Variants in NSMAF observed in about 807,000 individuals in gnomAD.
NSMAF encodes protein FAN.
Under a neutral mutation model 134.9 loss-of-function variants are expected in NSMAF, and 90 were observed. That is an observed-to-expected ratio of 0.67 (90% CI 0.56 to 0.79). The LOEUF is 0.79. Among genes scored for constraint, NSMAF ranks in the 30% least tolerant of loss-of-function variants. The probability of loss-of-function intolerance (pLI) is 0.00; values close to 1 mark genes in which losing one functional copy is unlikely to be tolerated. For synonymous variants in NSMAF, 358 were observed against 389.6 expected, an observed-to-expected ratio of 0.92 and a Z score of 0.96; for missense variants, 1,010 against 1,119.0, an observed-to-expected ratio of 0.90 and a Z score of 1.39.
rs549546994 is a variant in NSMAF at position 58,655,237 on chromosome 8, G to T, written c.59+4336C>A. Among the ~76,000 whole-genome samples the T allele has an allele frequency of 7.2e-5, 11 of 152,212 alleles. No homozygotes were observed. In the East Asian group the frequency reaches 1.9e-3, roughly 27 times the overall value. Reference sequence around the variant, plus strand: ...TCTTTGTGCCTTGGCCTCCCAAAGGGCTGGGATTACAAGTGTAAGCCATGG... The same window carrying T: ...TCTTTGTGCCTTGGCCTCCCAAAGGTCTGGGATTACAAGTGTAAGCCATGG... On this transcript the variant is annotated intron_variant, in intron 1 of 30. Transcript: ENST00000038176.
At chr8:58,624,035 A>ATTTTTTTTTTTTTTTTTTTTTTTTTTTTT in intron 6 of NSMAF, among the ~76,000 whole-genome samples, 1 of 99,098 alleles carries the variant, frequency 1.0e-5, no homozygotes, top group Non-Finnish European at 1.9e-5. Flanking sequence ...TAGAGTTAGG[A>ATTTTTTTTTTTTTTTTTTTTTTTTTTTTT]TTTTTTTTTT....
chr8:58,654,107 T>C (rs1277308609), intron 1 of NSMAF, among the ~76,000 whole-genome samples: 2 of 152,216 alleles, frequency 1.3e-5, no homozygotes, highest in East Asian at 3.8e-4. Context: ...TCCTGACGAA[T>C]TAAGTCCTGA....
intron 30 of NSMAF, 102 bp downstream of exon 30, chr8:58,585,550 G>A (rs1314543414): frequency 2.5e-6 from 2 of 785,808 alleles, no homozygotes; most frequent in Non-Finnish European, 4.3e-6. Flanking sequence ...GAAAAACCAT[G>A]GGTGTTTTTT....
chr8:58,606,988 C>G (rs1806424224), intron 11 of NSMAF, among the ~76,000 whole-genome samples: 1 of 152,114 alleles, frequency 6.6e-6, no homozygotes, highest in South Asian at 2.1e-4. Flanking sequence ...TATCTGTTTC[C>G]CTGATCTGCT....
intron 17 of NSMAF, 44 bp downstream of exon 17, chr8:58,599,926 G>A (rs1806237834): frequency 6.2e-7 from 1 of 1,613,036 alleles, no homozygotes; most frequent in Non-Finnish European, 8.5e-7. Context: ...AAAGCAGTTA[G>A]AAACCCCAAG....
At chr8:58,605,786 A>T in intron 12 of NSMAF, 141 bp downstream of exon 12, 1 of 910,044 alleles carries the variant, frequency 1.1e-6, no homozygotes, top group Non-Finnish European at 1.5e-6. Flanking sequence ...AGGCTGAGGC[A>T]CAAGAATCAC....
intron 1 of NSMAF, among the ~76,000 whole-genome samples, chr8:58,644,558 G>A (rs917600320): frequency 6.6e-6 from 1 of 152,178 alleles, no homozygotes; most frequent in Non-Finnish European, 1.5e-5. Flanking sequence ...ACAGTGTGGC[G>A]ATTCCTCAAG....
intron 1 of NSMAF, among the ~76,000 whole-genome samples, chr8:58,654,330 C>T (rs1807653033): frequency 6.6e-6 from 1 of 152,196 alleles, no homozygotes; most frequent in Admixed American, 6.5e-5. Context: ...CGTGGTGGCT[C>T]ACCTGAGATC....
At chr8:58,632,097 A>G (rs1410149383) in intron 5 of NSMAF, among the ~76,000 whole-genome samples, 2 of 152,196 alleles carry the variant, frequency 1.3e-5, no homozygotes, top group South Asian at 2.1e-4. Flanking sequence ...GCAACAATGG[A>G]AGTTACCTGA....
intron 14 of NSMAF, among the ~76,000 whole-genome samples, 160 bp downstream of exon 14, chr8:58,601,898 G>A (rs955301055): frequency 1.3e-5 from 2 of 152,178 alleles, no homozygotes; most frequent in Admixed American, 6.5e-5. Flanking sequence ...TGCAAATGGT[G>A]AGCAGCTAAT....
chr8:58,586,699 G>A, intron 27 of NSMAF, 91 bp from the exon 28 acceptor site: 1 of 1,052,210 alleles, frequency 9.5e-7, no homozygotes, highest in South Asian at 1.5e-5. Context: ...TAGTCATCAT[G>A]ATATAAATTA....
chr8:58,624,035 ATTTTT>A (rs11431046), intron 6 of NSMAF, among the ~76,000 whole-genome samples: 6 of 99,088 alleles, frequency 6.1e-5, no homozygotes, highest in East Asian at 3.0e-4. Flanking sequence ...TAGAGTTAGG[ATTTTT>A]TTTTTTTTTT....
chr8:58,630,497 T>A (rs1289922906), intron 6 of NSMAF, among the ~76,000 whole-genome samples: 1 of 152,084 alleles, frequency 6.6e-6, no homozygotes, highest in Non-Finnish European at 1.5e-5. Flanking sequence ...GCACCCCAGG[T>A]GAGTGGTTCT....
At chr8:58,634,400 T>G (rs1043803166) in intron 5 of NSMAF, among the ~76,000 whole-genome samples, 1 of 152,196 alleles carries the variant, frequency 6.6e-6, no homozygotes, top group African/African-American at 2.4e-5. Flanking sequence ...CTAGGGACAC[T>G]CTGGTCTGTT....
In NSMAF at chr8:58,659,651, G is replaced by T; in HGVS notation, c.-20C>A. 7.1e-7 allele frequency: 1 copy of T among 1,415,174 alleles called. No homozygotes were observed. Among genetic ancestry groups the T allele is most frequent in the Non-Finnish European group, 9.2e-7 (1 of 1,085,392 alleles). The allele number at this position is 1,415,174 out of a possible 1,614,324, so 87.7% of individuals were successfully genotyped here. ...CGCCATGGAGGGTAGGCGCGGGCGGGCGCAGAGCGCACAGGCAGGCCCCGC... is the reference window on the plus strand; with the variant it reads ...CGCCATGGAGGGTAGGCGCGGGCGGTCGCAGAGCGCACAGGCAGGCCCCGC... On this transcript the variant is annotated 5_prime_UTR_variant, in exon 1 of 31. Transcript: ENST00000038176.
chr8:58,602,151 T>C lies in NSMAF; in HGVS notation c.1046-14A>G. The C allele has an allele frequency of 3.1e-6, 5 of 1,597,494 alleles. No homozygotes were observed. Among genetic ancestry groups the C allele is most frequent in the East Asian group, 2.2e-5 (1 of 44,728 alleles). On this transcript the variant is annotated splice_polypyrimidine_tract_variant and intron_variant, in intron 13 of 30. Transcript: ENST00000038176. ...GATTTGACAAATCTATAAACATAAA[T>C]CAATAAATAACTTCAGCTTATACTT... is the stretch of plus-strand genomic sequence containing the variant.
At chr8:58,609,427 C>A (rs1585739401) in intron 10 of NSMAF, among the ~76,000 whole-genome samples, 177 bp downstream of exon 10, 1 of 152,156 alleles carries the variant, frequency 6.6e-6, no homozygotes, top group Non-Finnish European at 1.5e-5. Context: ...ACTTCAGAGA[C>A]TACACATCAC....
intron 12 of NSMAF, 93 bp from the exon 13 acceptor site, chr8:58,603,479 T>A (rs749500633): frequency 1.8e-4 from 214 of 1,193,414 alleles, no homozygotes; most frequent in Non-Finnish European, 2.4e-4. Context: ...TCCCTGTGCA[T>A]TCTTGAAAAA....
At chr8:58,655,838 C>T (rs1198176517) in intron 1 of NSMAF, among the ~76,000 whole-genome samples, 3 of 151,314 alleles carry the variant, frequency 2.0e-5, no homozygotes, top group Non-Finnish European at 4.4e-5. Context: ...ACCCGGGAGG[C>T]GGAACTTGCA....
Sources: allele counts gnomAD v4.1 joint callset (sites outside exome capture counted in the v4.1 genomes callset), GRCh38; gene constraint gnomAD v4.1.1; transcripts MANE v1.5; gene names NCBI Gene and HGNC (gene_info 2026-07-23, HGNC 2026-07-21).